The following CTNNA3 variants were observed in gnomAD, a reference collection of about 807,000 sequenced individuals.
CTNNA3 encodes catenin alpha-3.
Under a neutral mutation model 95.7 loss-of-function variants are expected in CTNNA3, and 76 were observed. The observed-to-expected ratio is 0.79, with a 90% CI of 0.66 to 0.96. The LOEUF (loss-of-function observed/expected upper bound fraction) is 0.96. Among genes scored for constraint, CTNNA3 ranks in the 40% least tolerant of loss-of-function variants. CTNNA3 has a pLI of 0.00. For synonymous variants in CTNNA3, 431 were observed against 374.4 expected, an observed-to-expected ratio of 1.15 and a Z score of -1.74; for missense variants, 1,191 against 1,089.8, an observed-to-expected ratio of 1.09 and a Z score of -1.31.
intron 6 of CTNNA3, among the ~76,000 whole-genome samples, chr10:67,216,632 C>T (rs1270150605): frequency 6.6e-6 from 1 of 152,012 alleles, no homozygotes; most frequent in African/African-American, 2.4e-5. Context: ...AATGATGATA[C>T]ATGAATATGT....
intron 13 of CTNNA3, among the ~76,000 whole-genome samples, chr10:66,111,020 C>T (rs777699916): frequency 2.0e-4 from 30 of 152,078 alleles, no homozygotes; most frequent in Admixed American, 9.8e-4. Context: ...TGTTGTGTCA[C>T]GATGTTAAGA....
At chr10:65,992,369 C>A (rs886991530) in intron 15 of CTNNA3, among the ~76,000 whole-genome samples, 2 of 151,964 alleles carry the variant, frequency 1.3e-5, no homozygotes, top group Non-Finnish European at 2.9e-5. Context: ...ATAAAGGAAC[C>A]AATTCTGGGC....
Position 66,328,819 on chromosome 10 carries a change from G to T in CTNNA3, c.1733-48198C>A, listed in dbSNP as rs770712388. Among the ~76,000 whole-genome samples the T allele has an allele frequency of 1.9e-4, 29 of 149,086 alleles. 1 individual carries two copies. Among genetic ancestry groups the T allele is most frequent in the Non-Finnish European group, 4.0e-4 (27 of 67,200 alleles). Reference sequence around the variant, plus strand: ...CCAATAATGTAAGTTTCAGTCCAAGGGCAGGAGAAATGTGATGAGACATTC... The same window carrying T: ...CCAATAATGTAAGTTTCAGTCCAAGTGCAGGAGAAATGTGATGAGACATTC... On this transcript the variant is annotated intron_variant, in intron 12 of 17. Coordinates refer to ENST00000433211, the MANE Select transcript of CTNNA3 (RefSeq NM_013266.4).
chr10:66,480,456 T>C (rs981332588), intron 11 of CTNNA3, among the ~76,000 whole-genome samples: 1 of 152,172 alleles, frequency 6.6e-6, no homozygotes, highest in Non-Finnish European at 1.5e-5. Flanking sequence ...TAATTATTCA[T>C]TCACTTATTT....
chr10:66,797,881 T>A (rs1287545234), intron 7 of CTNNA3, among the ~76,000 whole-genome samples: 1 of 151,930 alleles, frequency 6.6e-6, no homozygotes, highest in Non-Finnish European at 1.5e-5. Flanking sequence ...AATTCCTATT[T>A]CCTATCTCAT....
intron 1 of CTNNA3, among the ~76,000 whole-genome samples, chr10:67,705,793 A>AAAG (rs1564837123): frequency 6.6e-6 from 1 of 151,696 alleles, no homozygotes; most frequent in Non-Finnish European, 1.5e-5. Flanking sequence ...ATAAAAAAAA[A>AAAG]AAAGAAAGAA....
At chr10:67,516,530 T>C (rs1839819520) in intron 5 of CTNNA3, among the ~76,000 whole-genome samples, 1 of 152,204 alleles carries the variant, frequency 6.6e-6, no homozygotes, top group Non-Finnish European at 1.5e-5. Context: ...TTCTATGTGG[T>C]CAGTCATTAT....
At chr10:66,396,635 T>G (rs540831414) in intron 11 of CTNNA3, among the ~76,000 whole-genome samples, 3 of 151,974 alleles carry the variant, frequency 2.0e-5, no homozygotes, top group Non-Finnish European at 2.9e-5. Context: ...TTAAGCATTT[T>G]AAAGAAATGA....
chr10:67,751,134 G>C (rs1198647311), intron 1 of CTNNA3: 1 of 1,340,884 alleles, frequency 7.5e-7, no homozygotes, highest in African/African-American at 1.4e-5. Context: ...GAATGATGAG[G>C]AGATGGCAAC....
chr10:66,345,108 CTT>C (rs896366457), intron 12 of CTNNA3, among the ~76,000 whole-genome samples: 4 of 151,944 alleles, frequency 2.6e-5, no homozygotes, highest in African/African-American at 9.7e-5. Context: ...ATGGCATAGT[CTT>C]TATATTTTCA....
intron 1 of CTNNA3, among the ~76,000 whole-genome samples, chr10:67,661,355 G>A (rs1030847848): frequency 2.0e-5 from 3 of 151,984 alleles, no homozygotes; most frequent in Non-Finnish European, 4.4e-5. Context: ...AGGCAGGGAG[G>A]AAGGGAGGCA....
At chr10:67,147,123 T>C (rs1384140488) in intron 7 of CTNNA3, among the ~76,000 whole-genome samples, 1 of 152,200 alleles carries the variant, frequency 6.6e-6, no homozygotes, top group Non-Finnish European at 1.5e-5. Context: ...CTTTCTACAT[T>C]TAAATCTTTC....
intron 5 of CTNNA3, among the ~76,000 whole-genome samples, chr10:67,340,836 C>T (rs1372234437): frequency 1.3e-5 from 2 of 152,166 alleles, no homozygotes; most frequent in East Asian, 1.9e-4. Context: ...AGAAAAACAT[C>T]TAGTGGATAT....
chr10:66,384,738 T>C (rs979879944), intron 11 of CTNNA3, among the ~76,000 whole-genome samples: 8 of 152,128 alleles, frequency 5.3e-5, no homozygotes, highest in Non-Finnish European at 1.2e-4. Flanking sequence ...CACAACAAAC[T>C]GTCTCTCAGA....
chr10:67,678,064 C>T (rs914462819), intron 1 of CTNNA3, among the ~76,000 whole-genome samples: 1 of 152,036 alleles, frequency 6.6e-6, no homozygotes, highest in Non-Finnish European at 1.5e-5. Flanking sequence ...GCTACACATA[C>T]CTCATTTCTG....
chr10:67,332,644 C>T (rs1841838369), intron 5 of CTNNA3, among the ~76,000 whole-genome samples: 1 of 149,606 alleles, frequency 6.7e-6, no homozygotes, highest in South Asian at 2.1e-4. Context: ...TCAAGATCTA[C>T]TCAAGCTCAG....
intron 7 of CTNNA3, among the ~76,000 whole-genome samples, chr10:66,841,657 T>C (rs1589318789): frequency 1.3e-5 from 2 of 152,314 alleles, no homozygotes; most frequent in South Asian, 2.1e-4. Flanking sequence ...TATGCAACCA[T>C]TCATAGAAGT....
intron 1 of CTNNA3, among the ~76,000 whole-genome samples, chr10:67,665,215 T>C (rs370944664): frequency 6.9e-6 from 1 of 145,546 alleles, no homozygotes; most frequent in East Asian, 2.0e-4. Context: ...CTCTGCTCAA[T>C]TGAATCTGCC....
chr10:66,458,344 G>T (rs1172438504), intron 11 of CTNNA3, among the ~76,000 whole-genome samples: 3 of 152,072 alleles, frequency 2.0e-5, no homozygotes, highest in Non-Finnish European at 4.4e-5. Context: ...GTAAATTCTA[G>T]ATTTGTATTT....
Sources: allele counts gnomAD v4.1 joint callset (sites outside exome capture counted in the v4.1 genomes callset), GRCh38; gene constraint gnomAD v4.1.1; transcripts MANE v1.5; gene names NCBI Gene and HGNC (gene_info 2026-07-23, HGNC 2026-07-21).